Variants in CAST observed in about 807,000 individuals in gnomAD.
CAST encodes the protein calpastatin.
Under a neutral mutation model 119.6 loss-of-function variants are expected in CAST, and 76 were observed. The observed-to-expected ratio is 0.64, with a 90% CI of 0.53 to 0.77. The LOEUF (loss-of-function observed/expected upper bound fraction) is 0.77, where lower values mean the gene tolerates loss of function less well. Ranked by LOEUF, CAST falls within the 30% of genes least tolerant of loss-of-function variation. The pLI, the probability that CAST is intolerant of heterozygous loss-of-function variation, is 0.00. For synonymous variants in CAST, 319 were observed against 331.6 expected (o/e 0.96, Z 0.41); for missense variants, 953 against 946.5 (o/e 1.01, Z -0.09).
At chr5:96,393,470 G>T in the CAST span, 1 of 1,456,118 alleles carries the variant, frequency 6.9e-7, no homozygotes, top group Non-Finnish European at 9.5e-7. Flanking sequence ...AACGCTGCCT[G>T]CCGCTTGAGA....
At chr5:96,387,855 A>T in the CAST span, among the ~76,000 whole-genome samples, 1 of 152,164 alleles carries the variant, frequency 6.6e-6, no homozygotes, top group Non-Finnish European at 1.5e-5. Flanking sequence ...AGGTTTATAA[A>T]TCACCTGTCA....
intron 1 of CAST, among the ~76,000 whole-genome samples, chr5:96,537,870 G>A (rs1745846981): frequency 6.6e-6 from 1 of 152,092 alleles, no homozygotes; most frequent in South Asian, 2.1e-4. Flanking sequence ...GAGGGGGGGA[G>A]CAAAATTATA....
the CAST span, among the ~76,000 whole-genome samples, chr5:96,452,276 TG>T: frequency 6.6e-6 from 1 of 151,830 alleles, no homozygotes; most frequent in African/African-American, 2.4e-5. Flanking sequence ...ATAAAGAAAA[TG>T]TGGCACATAT....
the CAST span, among the ~76,000 whole-genome samples, chr5:96,376,235 T>C: frequency 6.6e-6 from 1 of 151,916 alleles, no homozygotes; most frequent in Non-Finnish European, 1.5e-5. Context: ...TGTATAACAA[T>C]GTTGTAGCCA....
At chr5:96,395,464 A>T in the CAST span, among the ~76,000 whole-genome samples, 1 of 152,212 alleles carries the variant, frequency 6.6e-6, no homozygotes, top group Non-Finnish European at 1.5e-5. Context: ...ATGCAGCCAT[A>T]AAAAAGAGTG....
the CAST span, among the ~76,000 whole-genome samples, chr5:96,408,994 G>C: frequency 6.6e-6 from 1 of 152,182 alleles, no homozygotes; most frequent in East Asian, 1.9e-4. Flanking sequence ...CAAGTCATTT[G>C]GCTCCCCATC....
intron 1 of CAST, among the ~76,000 whole-genome samples, chr5:96,593,389 G>A (rs571715482): frequency 1.3e-5 from 2 of 152,292 alleles, no homozygotes; most frequent in South Asian, 2.1e-4. Flanking sequence ...ATCAGGACCC[G>A]TTTCATGGGT....
At chr5:96,543,388 G>GT (rs992423420) in intron 1 of CAST, among the ~76,000 whole-genome samples, 4 of 152,068 alleles carry the variant, frequency 2.6e-5, no homozygotes, top group African/African-American at 9.7e-5. Flanking sequence ...GTGGGGCTTG[G>GT]GGGGCAAGGG....
At chr5:96,553,142 C>G (rs928075018) in intron 1 of CAST, among the ~76,000 whole-genome samples, 1 of 152,272 alleles carries the variant, frequency 6.6e-6, no homozygotes, top group East Asian at 1.9e-4. Context: ...CCCTGATGAA[C>G]ATCTATGGGA....
the CAST span, among the ~76,000 whole-genome samples, chr5:96,519,449 T>C: frequency 6.6e-6 from 1 of 152,184 alleles, no homozygotes; most frequent in African/African-American, 2.4e-5. Context: ...AAGCAGCTAA[T>C]TTTGTCTTTA....
chr5:96,314,811 A>T, the CAST span, among the ~76,000 whole-genome samples: 2 of 152,212 alleles, frequency 1.3e-5, no homozygotes, highest in African/African-American at 4.8e-5. Flanking sequence ...GTCAAGAAGC[A>T]CATGCTGATC....
At chr5:96,238,645 C>G in the CAST span, among the ~76,000 whole-genome samples, 11 of 151,650 alleles carry the variant, frequency 7.3e-5, no homozygotes, top group African/African-American at 2.4e-4. Flanking sequence ...AATGCTCTGC[C>G]TGCCTTGGCC....
the CAST span, among the ~76,000 whole-genome samples, chr5:96,420,628 C>T: frequency 5.0e-3 from 768 of 152,152 alleles, 3 homozygotes; most frequent in Middle Eastern, 0.014. Flanking sequence ...CCCCAGCCTC[C>T]CATCCTGGGG....
chr5:96,748,628 AT>A lies in CAST; in HGVS notation c.1428+16del. On this transcript the variant is annotated intron_variant, in intron 19 of 31. Transcript: ENST00000675179. Reference sequence around the variant, plus strand: ...AAAAGACAGAAGTATGTTTCTAAACATATAAATCTCTAGTTTTGAGGTTTGT... The same window carrying A: ...AAAAGACAGAAGTATGTTTCTAAACAATAAATCTCTAGTTTTGAGGTTTGT... 1 of 1,217,920 alleles carries A rather than the reference AT, an allele frequency of 8.2e-7. No homozygotes were observed. Among genetic ancestry groups the A allele is most frequent in the African/African-American group, 1.5e-5 (1 of 66,750 alleles). The allele number at this position is 1,217,920 out of a possible 1,614,324, so 75.4% of individuals were successfully genotyped here.
chr5:96,355,916 G>A, the CAST span, among the ~76,000 whole-genome samples: 2 of 152,070 alleles, frequency 1.3e-5, no homozygotes, highest in African/African-American at 4.8e-5. Flanking sequence ...TGGCCAGGAT[G>A]TTCTCGATCC....
At chr5:96,264,713 C>T in the CAST span, among the ~76,000 whole-genome samples, 4 of 152,146 alleles carry the variant, frequency 2.6e-5, no homozygotes, top group African/African-American at 7.2e-5. Context: ...TTTGCACCTT[C>T]GTGACATAAA....
the CAST span, among the ~76,000 whole-genome samples, chr5:96,308,400 A>G: frequency 7.2e-5 from 11 of 151,986 alleles, no homozygotes; most frequent in South Asian, 8.3e-4. Context: ...GGGTTAGAAC[A>G]TGCTCCTTTA....
the CAST span, among the ~76,000 whole-genome samples, chr5:96,288,373 C>T: frequency 2.6e-5 from 4 of 151,918 alleles, no homozygotes; most frequent in Non-Finnish European, 2.9e-5. Context: ...ACAGAAATAC[C>T]GAAAAGAAGT....
chr5:96,572,603 GA>G (rs1746591224), intron 1 of CAST, among the ~76,000 whole-genome samples: 1 of 152,180 alleles, frequency 6.6e-6, no homozygotes, highest in Non-Finnish European at 1.5e-5. Flanking sequence ...GTACTTAAAG[GA>G]AATGATTTAA....
Sources: allele counts gnomAD v4.1 joint callset (sites outside exome capture counted in the v4.1 genomes callset), GRCh38; gene constraint gnomAD v4.1.1; transcripts MANE v1.5; gene names NCBI Gene and HGNC (gene_info 2026-07-23, HGNC 2026-07-21).